The following KISS1R variants were observed in gnomAD, a reference collection of about 807,000 sequenced individuals.
KISS1R encodes the protein KISS1 receptor.
KISS1R carries 19 observed loss-of-function variants against 22.0 expected under a neutral mutation model. The ratio of observed to expected loss-of-function variants is 0.86; its 90% CI spans 0.60 to 1.26. The LOEUF (loss-of-function observed/expected upper bound fraction) is 1.26. Ranked by LOEUF, KISS1R falls within the 50% of genes most tolerant of loss-of-function variation. The pLI, the probability that KISS1R is intolerant of heterozygous loss-of-function variation, is 0.00. For synonymous variants in KISS1R, 302 were observed against 283.9 expected (o/e 1.06, Z -0.64); for missense variants, 653 against 581.9 (o/e 1.12, Z -1.26).
rs867908059 is a variant in KISS1R, at chr19:917,698, G to A, written c.196G>A (p.Val66Ile). 6.3e-6 allele frequency: 10 copies of A among 1,597,108 alleles called. No individual in the cohort carries two copies. The highest frequency in any genetic ancestry group is 4.0e-5 in the African/African-American group (3 of 74,442). ...GLVGNSLVIY[V>I]ICRHKPMRTV... ...GGTGGGGAACTCGCTGGTCATCTAC[G>A]TCATCTGCCGCCACAAGCCGATGCG... The change falls in exon 1 of 5, where the codon GTC (valine) becomes ATC (isoleucine). Residue 66 changes from valine (V) to isoleucine (I), a missense_variant. Transcript: ENST00000234371.
At chr19:920,242 A>T in intron 4 of KISS1R, 48 bp from the exon 5 acceptor site, 2 of 1,543,774 alleles carry the variant, frequency 1.3e-6, no homozygotes, top group Non-Finnish European at 1.7e-6. Context: ...GGATGAGCTG[A>T]GCCGGGCCCC....
At position 920,737 on chromosome 19, in the gene KISS1R, G is replaced by A. The variant is rs557819500; in HGVS notation, c.1186G>A (p.Ala396Thr). Residue 396 changes from alanine to threonine, a missense_variant, in exon 5 of 5, where the codon GCC becomes ACC. Physicochemically the swap from Ala to Thr is moderately conservative, Grantham distance 58 (BLOSUM62 0). Coordinates refer to ENST00000234371, the MANE Select transcript of KISS1R (RefSeq NM_032551.5). ...RGLCVLGEDN[A>T]PL ...GCTGTGCGTCCTGGGGGAGGACAAC[G>A]CCCCTCTCTGAGCGGACCCGGTGGG... The A allele has an allele frequency of 2.3e-6, 3 of 1,291,152 alleles. No individual in the cohort carries two copies. Among genetic ancestry groups the A allele is most frequent in the African/African-American group, 3.0e-5 (2 of 66,126 alleles). The allele number at this position is 1,291,152 out of a possible 1,614,324, so 80.0% of individuals were successfully genotyped here.
At chr19:918,140 G>C (rs1182251117) in intron 1 of KISS1R, among the ~76,000 whole-genome samples, 2 of 152,162 alleles carry the variant, frequency 1.3e-5, no homozygotes, top group Non-Finnish European at 2.9e-5. Flanking sequence ...TTATGCATTT[G>C]TGTCCTGGGG....
intron 2 of KISS1R, among the ~76,000 whole-genome samples, chr19:918,987 G>C (rs1344841208): frequency 1.3e-5 from 2 of 150,374 alleles, no homozygotes; most frequent in Admixed American, 6.6e-5. Context: ...TCCGGAGCGG[G>C]GGGCGGGCGC....
At position 920,377 on chromosome 19, in the gene KISS1R, T is replaced by C; in HGVS notation, c.826T>C (p.Trp276Arg). 1 of 1,588,680 alleles carries C rather than the reference T, an allele frequency of 6.3e-7. No homozygotes were observed. Among genetic ancestry groups the C allele is most frequent in the East Asian group, 2.3e-5 (1 of 43,718 alleles). Residue 276 changes from tryptophan (W) to arginine (R), a missense_variant, in exon 5 of 5, where the codon TGG becomes CGG. Trp to Arg is a moderately radical substitution (Grantham distance 101). Transcript: ENST00000234371. ...CGTGGTCCTGCTCTTCGCCGCCTGC[T>C]GGGGCCCCATCCAGCTGTTCCTGGT... is the stretch of plus-strand genomic sequence containing the variant. ...AAVVLLFAAC[W>R]GPIQLFLVLQ...
intron 1 of KISS1R, 81 bp downstream of exon 1, chr19:917,827 G>T: frequency 2.7e-6 from 4 of 1,473,022 alleles, no homozygotes; most frequent in Non-Finnish European, 3.6e-6. Flanking sequence ...CTCTCGCGAC[G>T]CATCGGGGCC....
In KISS1R at chr19:917,754, C is replaced by A. The variant is rs2037070105; in HGVS notation, c.244+8C>A. On this transcript the variant is annotated splice_region_variant and intron_variant, in intron 1 of 4. Coordinates refer to ENST00000234371, the MANE Select transcript of KISS1R (RefSeq NM_032551.5). ...TGACCAACTTCTACATCGGTGAGTG[C>A]GGGCGCTGCGCCGCACCTGCTGCCG... 6.3e-7 allele frequency: 1 copy of A among 1,594,390 alleles called. No individual in the cohort carries two copies. The highest frequency in any genetic ancestry group is 8.6e-7 in the Non-Finnish European group (1 of 1,169,298).
At chr19:919,784 T>C in intron 3 of KISS1R, 90 bp from the exon 4 acceptor site, 2 of 1,494,088 alleles carry the variant, frequency 1.3e-6, no homozygotes, top group South Asian at 2.4e-5. Flanking sequence ...CCCGGGCCTT[T>C]GCAGGGTGGC....
chr19:919,921 C>G lies in KISS1R; in HGVS notation c.553C>G (p.Pro185Ala). The G allele has an allele frequency of 6.4e-7, 1 of 1,556,354 alleles. No homozygotes were observed. Among genetic ancestry groups the G allele is most frequent in the South Asian group, 1.2e-5 (1 of 85,432 alleles). Residue 185 changes from proline to alanine, a missense_variant, in exon 4 of 5, where the codon CCC becomes GCC. Pro to Ala is a conservative substitution (Grantham distance 27, BLOSUM62 -1). Transcript: ENST00000234371. ...APVLALHRLS[P>A]GPRAYCSEAF... is the part of the protein sequence containing the mutation. ...GGTGCTCGCCCTGCACCGCCTGTCA[C>G]CCGGGCCGCGCGCCTACTGCAGTGA...
rs1243679715 is a variant in KISS1R at position 917,506 on chromosome 19, C to T, written c.4C>T (p.His2Tyr). The change falls in exon 1 of 5, where the codon CAC becomes TAC. Residue 2 changes from histidine (H) to tyrosine (Y), a missense_variant. Transcript: ENST00000234371. MHTVATSGPNAS... is the reference protein window; with the variant it reads MYTVATSGPNAS... The stretch of plus-strand genomic sequence containing the variant: ...GGAGGAGGAGGTGCGCGCGGCCATG[C>T]ACACCGTGGCTACGTCCGGACCCAA... The T allele has an allele frequency of 1.3e-6, 2 of 1,484,656 alleles. No individual in the cohort carries two copies. The highest frequency in any genetic ancestry group is 1.5e-5 in the African/African-American group (1 of 68,698). 92.0% of individuals were successfully genotyped at this position (1,484,656 alleles called of 1,614,324 possible).
At position 919,541 on chromosome 19, in the gene KISS1R, T is replaced by C. The variant is rs751926094; in HGVS notation, c.421T>C (p.Trp141Arg). 7.0e-6 allele frequency: 11 copies of C among 1,563,592 alleles called. No homozygotes were observed. The highest frequency in any genetic ancestry group is 9.5e-6 in the Non-Finnish European group (11 of 1,158,628). The change falls in exon 3 of 5, where the codon TGG becomes CGG. Residue 141 changes from tryptophan (W) to arginine (R), a missense_variant. Transcript: ENST00000234371. ...TCTGACCGCCATGAGTGTGGACCGC[T>C]GGTACGTGACGGTGTTCCCGTTGCG... ...ATLTAMSVDR[W>R]YVTVFPLRAL...
chr19:920,909 T>C lies in KISS1R; in HGVS notation c.*161T>C. On this transcript the variant is annotated 3_prime_UTR_variant, in exon 5 of 5. Coordinates refer to ENST00000234371, the MANE Select transcript of KISS1R (RefSeq NM_032551.5). ...TGCAGTTTCGTTGTGAAGTTTGCTATTGATATTGAAATTATGACTTCTGTG... is the reference window on the plus strand; with the variant it reads ...TGCAGTTTCGTTGTGAAGTTTGCTACTGATATTGAAATTATGACTTCTGTG... 3.8e-6 allele frequency: 3 copies of C among 789,456 alleles called. No homozygotes were observed. The allele number at this position is 789,456 out of a possible 1,614,324, so 48.9% of individuals were successfully genotyped here.
rs2037116975 is a variant in KISS1R at position 920,877 on chromosome 19, C to T, written c.*129C>T. On this transcript the variant is annotated 3_prime_UTR_variant, in exon 5 of 5. Coordinates refer to ENST00000234371, the MANE Select transcript of KISS1R (RefSeq NM_032551.5). ...GTGGAAATATTTTGGTCTCTTGTGA[C>T]GTTCGGTGCAGTTTCGTTGTGAAGT... 1 of 1,087,618 alleles carries T rather than the reference C, an allele frequency of 9.2e-7. No homozygotes were observed. Among genetic ancestry groups the T allele is most frequent in the Non-Finnish European group, 1.2e-6 (1 of 859,626 alleles). The allele number at this position is 1,087,618 out of a possible 1,614,324, so 67.4% of individuals were successfully genotyped here.
chr19:920,157 C>A (rs543248591), intron 4 of KISS1R, 51 bp downstream of exon 4: 5 of 1,473,412 alleles, frequency 3.4e-6, no homozygotes, highest in Middle Eastern at 4.8e-4. Context: ...GGGGAGGCAC[C>A]GTGGTGGGAG....
At chr19:920,172 C>T (rs1351375679) in intron 4 of KISS1R, 66 bp downstream of exon 4, 2 of 1,478,554 alleles carry the variant, frequency 1.4e-6, no homozygotes, top group Non-Finnish European at 8.9e-7. Flanking sequence ...TGGGAGGCGC[C>T]GGTGGGGGCA....
chr19:917,881 T>C, intron 1 of KISS1R, 135 bp downstream of exon 1: 1 of 1,063,936 alleles, frequency 9.4e-7, no homozygotes, highest in Non-Finnish European at 1.3e-6. Context: ...CCCCCCAACC[T>C]CGAATCTTTT....
Position 920,588 on chromosome 19 carries a change from G to T in KISS1R, c.1037G>T (p.Arg346Leu). 6.8e-7 allele frequency: 1 copy of T among 1,465,992 alleles called. No individual in the cohort carries two copies. 90.8% of individuals were successfully genotyped at this position (1,465,992 alleles called of 1,614,324 possible). ...TGCCCCTGCGCGCCGCGCCGCCCCC[G>T]CCGCCCCCGCCGGCCCGGACCCTCG... ...RVCPCAPRRP[R>L]RPRRPGPSDP... The change falls in exon 5 of 5, where the codon CGC becomes CTC. Residue 346 changes from arginine to leucine, a missense_variant. Arg to Leu is a moderately radical substitution (Grantham distance 102). Transcript: ENST00000234371.
In KISS1R at chr19:919,552, G is replaced by T. The variant is rs1179156661; in HGVS notation, c.432G>T (p.Thr144=). 5.8e-6 allele frequency: 9 copies of T among 1,561,798 alleles called. No homozygotes were observed. The highest frequency in any genetic ancestry group is 4.1e-5 in the African/African-American group (3 of 74,036). The change falls in exon 3 of 5, where the codon ACG becomes ACT. Residue 144 remains threonine (T), a synonymous_variant. Coordinates refer to ENST00000234371, the MANE Select transcript of KISS1R (RefSeq NM_032551.5). ...TAMSVDRWYV[T]VFPLRALHRR... ...TGAGTGTGGACCGCTGGTACGTGACGGTGTTCCCGTTGCGCGCCCTGCACC... is the reference window on the plus strand; with the variant it reads ...TGAGTGTGGACCGCTGGTACGTGACTGTGTTCCCGTTGCGCGCCCTGCACC...
At chr19:919,140 G>T (rs1489612846) in intron 2 of KISS1R, among the ~76,000 whole-genome samples, 1 of 148,138 alleles carries the variant, frequency 6.8e-6, no homozygotes, top group Non-Finnish European at 1.5e-5. Flanking sequence ...GGAGTGGGGG[G>T]CGGGAATGGG....
Sources: gnomAD v4.1 joint callset for allele counts (sites outside exome capture counted in the v4.1 genomes callset) on GRCh38, gnomAD v4.1.1 for gene constraint, MANE v1.5 for transcripts, NCBI Gene and HGNC (gene_info 2026-07-23, HGNC 2026-07-21) for gene names.